The following PCCA variants were observed in gnomAD, a reference collection of about 807,000 sequenced individuals.
The protein encoded by PCCA is propionyl-CoA carboxylase alpha chain, mitochondrial.
A neutral mutation model predicts 101.3 loss-of-function variants in PCCA; 74 were observed. The observed-to-expected ratio is 0.73, with a 90% CI of 0.61 to 0.89. PCCA has a LOEUF of 0.89. Ranked by LOEUF, PCCA falls within the 40% of genes least tolerant of loss-of-function variation. The probability of loss-of-function intolerance (pLI) is 0.00; values close to 1 mark genes in which losing one functional copy is unlikely to be tolerated. For missense variants in PCCA, 891 were observed against 907.0 expected (o/e 0.98, Z 0.23); for synonymous variants, 294 against 313.6 (o/e 0.94, Z 0.66).
chr13:100,512,732 G>A (rs2086574422), intron 21 of PCCA, among the ~76,000 whole-genome samples: 1 of 152,134 alleles, frequency 6.6e-6, no homozygotes, highest in African/African-American at 2.4e-5. Flanking sequence ...TCAGAGTCTT[G>A]GATTCCTACC....
intron 12 of PCCA, among the ~76,000 whole-genome samples, chr13:100,287,319 A>G (rs1323142202): frequency 6.6e-6 from 1 of 152,036 alleles, no homozygotes; most frequent in African/African-American, 2.4e-5. Flanking sequence ...TAGCCTATAG[A>G]TTAGCTTATT....
intron 19 of PCCA, among the ~76,000 whole-genome samples, chr13:100,370,523 C>G (rs557018439): frequency 1.4e-4 from 21 of 152,156 alleles, no homozygotes; most frequent in Non-Finnish European, 2.1e-4. Context: ...TAAAACACAT[C>G]AAAATTAGTG....
chr13:100,231,348 G>C lies in PCCA; in HGVS notation c.601-4494G>C, dbSNP rs113593158. ...GGCTGAGGCTGGCTGAACTGAGAAG[G>C]CTGTGCAAGGCTGGGGAGCCTGCCT... On this transcript the variant is annotated intron_variant, in intron 7 of 23. Coordinates refer to ENST00000376285, the MANE Select transcript of PCCA (RefSeq NM_000282.4). Among the ~76,000 whole-genome samples, 416 of 152,276 alleles carry C rather than the reference G, an allele frequency of 2.7e-3. 3 individuals carry two copies. Among genetic ancestry groups the C allele is most frequent in the African/African-American group, 9.7e-3 (403 of 41,556 alleles).
chr13:100,311,095 G>A (rs1595259595), intron 16 of PCCA, among the ~76,000 whole-genome samples: 2 of 151,870 alleles, frequency 1.3e-5, no homozygotes, highest in Admixed American at 6.6e-5. Flanking sequence ...TTAGTCAGGC[G>A]TGGTGGTGGG....
intron 4 of PCCA, among the ~76,000 whole-genome samples, chr13:100,133,411 C>G (rs1363908615): frequency 3.9e-5 from 6 of 152,132 alleles, no homozygotes; most frequent in Non-Finnish European, 7.4e-5. Context: ...ATAAAGTCAG[C>G]TGATCACTTT....
intron 6 of PCCA, among the ~76,000 whole-genome samples, chr13:100,185,004 G>A (rs184049622): frequency 1.3e-5 from 2 of 152,160 alleles, no homozygotes; most frequent in South Asian, 2.1e-4. Context: ...CATATATACC[G>A]AAAAATGCAC....
chr13:100,268,995 G>A (rs1368733061), intron 11 of PCCA, among the ~76,000 whole-genome samples: 1 of 152,134 alleles, frequency 6.6e-6, no homozygotes, highest in African/African-American at 2.4e-5. Context: ...GACTACAGGT[G>A]TGTGCCACCA....
At chr13:100,368,167 G>GTAGCCTCTGCCTCCC (rs2075332706) in intron 18 of PCCA, among the ~76,000 whole-genome samples, 1 of 151,956 alleles carries the variant, frequency 6.6e-6, no homozygotes, top group South Asian at 2.1e-4. Context: ...TTATGTCTCT[G>GTAGCCTCTGCCTCCC]AAGTTTAAGG....
In PCCA at chr13:100,089,188, A is replaced by C. The variant is rs1566436392; in HGVS notation, c.68A>C (p.Gln23Pro). The change falls in exon 1 of 24, where the codon CAG becomes CCG. Residue 23 changes from glutamine (Q) to proline (P), a missense_variant. By Grantham distance (76) the Gln-to-Pro change is moderately conservative. Transcript: ENST00000376285. ...AAGRRGRWPP[Q>P]QLMLSAALRT... is the part of the protein sequence containing the mutation. ...GGACGGCGTGGGCGGTGGCCGCCGCAGCAGCTGATGCTGAGCGCGGCGCTG... is the reference window on the plus strand; with the variant it reads ...GGACGGCGTGGGCGGTGGCCGCCGCCGCAGCTGATGCTGAGCGCGGCGCTG... 4.6e-6 allele frequency: 7 copies of C among 1,529,272 alleles called. No homozygotes were observed. The highest frequency in any genetic ancestry group is 4.0e-5 in the Admixed American group (2 of 50,380). The allele number at this position is 1,529,272 out of a possible 1,614,324, so 94.7% of individuals were successfully genotyped here. A position where few individuals can be genotyped will look rare whatever the true frequency, so the allele number is the denominator to read the frequency against.
chr13:100,112,885 GA>G lies in PCCA; in HGVS notation c.300+825del, dbSNP rs1352833907. Among the ~76,000 whole-genome samples, 3 of 22,308 alleles carry G rather than the reference GA, an allele frequency of 1.3e-4. No homozygotes were observed. The African/African-American group carries it at 1.5e-3, about 11-fold the overall frequency. The allele number at this position is 22,308 out of a possible 152,430, so 14.6% of individuals were successfully genotyped here. A position where few individuals can be genotyped will look rare whatever the true frequency, so the allele number is the denominator to read the frequency against. Reference sequence around the variant, plus strand: ...GCCACCACACCCGGCCCACAGCAGGGATTTTTTTTAGTAGTAATGTTATGAA... The same window carrying G: ...GCCACCACACCCGGCCCACAGCAGGGTTTTTTTTAGTAGTAATGTTATGAA... On this transcript the variant is annotated intron_variant, in intron 4 of 23. Coordinates refer to ENST00000376285, the MANE Select transcript of PCCA (RefSeq NM_000282.4).
intron 16 of PCCA, among the ~76,000 whole-genome samples, chr13:100,314,995 GAT>G (rs1389164081): frequency 5.3e-5 from 8 of 152,136 alleles, no homozygotes; most frequent in Admixed American, 5.2e-4. Flanking sequence ...TTATAGAAGA[GAT>G]ATACCTTGCT....
chr13:100,407,529 C>T (rs2077756349), intron 19 of PCCA, among the ~76,000 whole-genome samples: 2 of 152,184 alleles, frequency 1.3e-5, no homozygotes, highest in South Asian at 4.1e-4. Flanking sequence ...AGATTAGCGC[C>T]TTACAAAAAC....
At chr13:100,487,512 A>G (rs1338153727) in intron 21 of PCCA, among the ~76,000 whole-genome samples, 1 of 152,220 alleles carries the variant, frequency 6.6e-6, no homozygotes. Flanking sequence ...AGTTTGGGAA[A>G]TGCTGGGTTA....
intron 19 of PCCA, among the ~76,000 whole-genome samples, chr13:100,409,680 T>A (rs2077910980): frequency 6.6e-6 from 1 of 152,180 alleles, no homozygotes; most frequent in Admixed American, 6.6e-5. Context: ...GCAGTGGAGA[T>A]TACAGTTCAA....
At chr13:100,287,836 T>G (rs1221446784) in intron 12 of PCCA, among the ~76,000 whole-genome samples, 1 of 152,176 alleles carries the variant, frequency 6.6e-6, no homozygotes, top group Non-Finnish European at 1.5e-5. Context: ...ATCAAGAATT[T>G]ATTTTTTAGA....
At chr13:100,258,942 T>C (rs1302488062) in intron 9 of PCCA, among the ~76,000 whole-genome samples, 1 of 152,166 alleles carries the variant, frequency 6.6e-6, no homozygotes, top group Non-Finnish European at 1.5e-5. Context: ...TTAGATTTAA[T>C]AATACAAGCT....
intron 6 of PCCA, among the ~76,000 whole-genome samples, chr13:100,173,875 C>G (rs1008697917): frequency 1.3e-5 from 2 of 152,174 alleles, no homozygotes; most frequent in Non-Finnish European, 2.9e-5. Context: ...AATGGCAGTT[C>G]CCCTGCACAA....
chr13:100,272,582 A>C (rs2063373727), intron 11 of PCCA, among the ~76,000 whole-genome samples: 1 of 151,994 alleles, frequency 6.6e-6, no homozygotes, highest in Non-Finnish European at 1.5e-5. Flanking sequence ...CACACACACA[A>C]ATGCAAAAAA....
At chr13:100,247,225 T>G (rs1194862785) in intron 8 of PCCA, among the ~76,000 whole-genome samples, 1 of 147,780 alleles carries the variant, frequency 6.8e-6, no homozygotes, top group Non-Finnish European at 1.5e-5. Flanking sequence ...GTTTTTTTTT[T>G]TTTTTTTTTT....
Sources: allele counts gnomAD v4.1 joint callset (sites outside exome capture counted in the v4.1 genomes callset), GRCh38; gene constraint gnomAD v4.1.1; transcripts MANE v1.5; gene names NCBI Gene and HGNC (gene_info 2026-07-23, HGNC 2026-07-21).